GRIA1: variants seen among roughly 807,000 people sequenced by gnomAD.
GRIA1 encodes the protein glutamate ionotropic receptor AMPA type subunit 1.
A neutral mutation model predicts 99.2 loss-of-function variants in GRIA1; 31 were observed. The observed-to-expected ratio is 0.31, with a 90% CI of 0.23 to 0.42. The LOEUF (loss-of-function observed/expected upper bound fraction) is 0.42, where lower values mean the gene tolerates loss of function less well. Ranked by LOEUF, GRIA1 falls within the 10% of genes least tolerant of loss-of-function variation. GRIA1 has a pLI of 1.00. For missense variants in GRIA1, 782 were observed against 1,157.5 expected, an observed-to-expected ratio of 0.68 and a Z score of 4.71; for synonymous variants, 438 against 432.4, an observed-to-expected ratio of 1.01 and a Z score of -0.16.
Position 153,626,759 on chromosome 5 carries a change from T to C in GRIA1, c.221-20169T>C, listed in dbSNP as rs186961784. On this transcript the variant is annotated intron_variant, in intron 2 of 15. Transcript: ENST00000285900. Reference sequence around the variant, plus strand: ...CTTATTGGTACTGGACAAAGCAGGATCTTCAGATGGTGCCCAGCGACTATA... The same window carrying C: ...CTTATTGGTACTGGACAAAGCAGGACCTTCAGATGGTGCCCAGCGACTATA... Among the ~76,000 whole-genome samples, 257 of 152,140 alleles carry C rather than the reference T, an allele frequency of 1.7e-3. 2 individuals are homozygous for C. The highest frequency in any genetic ancestry group is 3.7e-4 in the Non-Finnish European group (25 of 68,014).
At chr5:153,599,105 A>T (rs1429766779) in intron 2 of GRIA1, among the ~76,000 whole-genome samples, 2 of 152,100 alleles carry the variant, frequency 1.3e-5, no homozygotes. Context: ...GATGGTCTCG[A>T]TCTCCTGACC....
Position 153,493,054 on chromosome 5 carries a change from G to A in GRIA1, c.83-874G>A, listed in dbSNP as rs561335990. On this transcript the variant is annotated intron_variant, in intron 1 of 15. Coordinates refer to ENST00000285900, the MANE Select transcript of GRIA1 (RefSeq NM_000827.4). ...ATGGCTGATTTTAATTCACAGAAAT[G>A]TAATTGATTTACATGTTGACAGTAA... Among the ~76,000 whole-genome samples the A allele has an allele frequency of 2.0e-5, 3 of 152,332 alleles. No individual in the cohort carries two copies. The South Asian group carries it at 6.2e-4, about 32-fold the overall frequency.
intron 2 of GRIA1, among the ~76,000 whole-genome samples, chr5:153,549,136 C>A (rs760915885): frequency 2.6e-5 from 4 of 152,066 alleles, no homozygotes; most frequent in Non-Finnish European, 4.4e-5. Context: ...AATGAGCTCC[C>A]CCTCCTTTCA....
chr5:153,575,197 A>AAGAGAG (rs3064338), intron 2 of GRIA1, among the ~76,000 whole-genome samples: 37,836 of 147,102 alleles, frequency 0.26, 5,283 homozygotes, highest in East Asian at 0.65. Context: ...TCAAGAGAGA[A>AAGAGAG]AGAGAGAGAG....
intron 6 of GRIA1, among the ~76,000 whole-genome samples, chr5:153,675,719 A>G (rs1179955923): frequency 6.6e-6 from 1 of 152,242 alleles, no homozygotes; most frequent in East Asian, 1.9e-4. Flanking sequence ...TTATTTCAAT[A>G]TGATCTTAAG....
At position 153,655,764 on chromosome 5, in the gene GRIA1, T is replaced by C. The variant is rs531234710; in HGVS notation, c.646-55T>C. 5.7e-5 allele frequency: 83 copies of C among 1,463,428 alleles called. No individual in the cohort carries two copies. In the East Asian group the frequency reaches 1.7e-3, roughly 29 times the overall value. The allele number at this position is 1,463,428 out of a possible 1,614,324, so 90.7% of individuals were successfully genotyped here. A position where few individuals can be genotyped will look rare whatever the true frequency, so the allele number is the denominator to read the frequency against. On this transcript the variant is annotated intron_variant, in intron 4 of 15. Coordinates refer to ENST00000285900, the MANE Select transcript of GRIA1 (RefSeq NM_000827.4). ...TCAGCTGCCGTTATTACTGTTGTTG[T>C]CGTGGCTTTAACTGTTAGTATGATT...
intron 2 of GRIA1, among the ~76,000 whole-genome samples, chr5:153,524,741 A>G (rs1757451090): frequency 6.6e-6 from 1 of 152,192 alleles, no homozygotes; most frequent in Non-Finnish European, 1.5e-5. Flanking sequence ...TCTGTATAGT[A>G]TTAGCTCAGG....
At chr5:153,575,423 G>C (rs1220981609) in intron 2 of GRIA1, among the ~76,000 whole-genome samples, 3 of 152,102 alleles carry the variant, frequency 2.0e-5, no homozygotes, top group Admixed American at 6.5e-5. Flanking sequence ...ACCACCAAAG[G>C]GTAACGAATT....
intron 2 of GRIA1, among the ~76,000 whole-genome samples, chr5:153,624,825 A>G (rs990579876): frequency 6.6e-6 from 1 of 152,234 alleles, no homozygotes; most frequent in African/African-American, 2.4e-5. Context: ...TATCTTCTGT[A>G]TGCAGATTCC....
At chr5:153,774,080 A>T (rs73801257) in intron 13 of GRIA1, among the ~76,000 whole-genome samples, 1 of 26,306 alleles carries the variant, frequency 3.8e-5, no homozygotes, top group Non-Finnish European at 8.0e-5. Flanking sequence ...CCCTCCCCCC[A>T]CACACACACA....
chr5:153,563,003 C>T (rs1761273549), intron 2 of GRIA1, among the ~76,000 whole-genome samples: 1 of 151,676 alleles, frequency 6.6e-6, no homozygotes, highest in African/African-American at 2.4e-5. Context: ...TGGTGAAACC[C>T]CGTCTCTACT....
Position 153,677,156 on chromosome 5 carries a change from C to T in GRIA1, c.1024C>T (p.Gln342Ter). 1.3e-6 allele frequency: 2 copies of T among 1,496,354 alleles called. No individual in the cohort carries two copies. Among genetic ancestry groups the T allele is most frequent in the South Asian group, 1.4e-5 (1 of 73,912 alleles). The allele number at this position is 1,496,354 out of a possible 1,614,324, so 92.7% of individuals were successfully genotyped here. ...AGGGATCGACATCCAGAGAGCTCTGCAGCAGGTAAGACCACCAATGTTTGC... is the reference window on the plus strand; with the variant it reads ...AGGGATCGACATCCAGAGAGCTCTGTAGCAGGTAAGACCACCAATGTTTGC... ...GQGIDIQRALQQVRFEGLTGN... is the reference protein window; with the variant it reads ...GQGIDIQRAL Residue 342 changes from glutamine to a stop codon, truncating the protein, a stop_gained, in exon 7 of 16, where the codon CAG (glutamine) becomes TAG (stop). Coordinates refer to ENST00000285900, the MANE Select transcript of GRIA1 (RefSeq NM_000827.4). LOFTEE classifies it high-confidence loss of function.
At chr5:153,689,722 A>G (rs1757600041) in intron 8 of GRIA1, among the ~76,000 whole-genome samples, 1 of 152,128 alleles carries the variant, frequency 6.6e-6, no homozygotes. Context: ...CTCAGCTCTG[A>G]CACCTTGGAT....
At chr5:153,564,842 T>C (rs965461773) in intron 2 of GRIA1, among the ~76,000 whole-genome samples, 1 of 152,216 alleles carries the variant, frequency 6.6e-6, no homozygotes, top group African/African-American at 2.4e-5. Flanking sequence ...CCTCTCCTTG[T>C]CAGATCTGTG....
Position 153,686,229 on chromosome 5 carries a change from G to A in GRIA1, c.1034G>A (p.Arg345Gln), listed in dbSNP as rs142859488. The change falls in exon 8 of 16, where the codon CGA (arginine) becomes CAA (glutamine). Residue 345 changes from arginine to glutamine, a missense_variant. Coordinates refer to ENST00000285900, the MANE Select transcript of GRIA1 (RefSeq NM_000827.4). ...IDIQRALQQV[R>Q]FEGLTGNVQF... ...CCACTTGGTTTTGTTTTCCAGGTGC[G>A]ATTTGAAGGTTTAACAGGAAACGTG... The A allele has an allele frequency of 9.3e-6, 15 of 1,612,978 alleles. No individual in the cohort carries two copies. The highest frequency in any genetic ancestry group is 6.7e-5 in the African/African-American group (5 of 74,890).
intron 13 of GRIA1, among the ~76,000 whole-genome samples, chr5:153,776,443 A>G (rs1303096067): frequency 1.3e-5 from 2 of 152,176 alleles, no homozygotes; most frequent in African/African-American, 4.8e-5. Flanking sequence ...TGCCACCTCA[A>G]TTTTACCTCT....
chr5:153,795,782 C>A (rs1181344895), intron 14 of GRIA1, among the ~76,000 whole-genome samples: 1 of 152,102 alleles, frequency 6.6e-6, no homozygotes, highest in East Asian at 1.9e-4. Flanking sequence ...CCCCATGGAA[C>A]CTGATCCTAC....
In GRIA1 at chr5:153,811,167, A is replaced by C; in HGVS notation, c.2663A>C (p.Gln888Pro). 6.2e-7 allele frequency: 1 copy of C among 1,614,122 alleles called. No homozygotes were observed. Among genetic ancestry groups the C allele is most frequent in the East Asian group, 2.2e-5 (1 of 44,860 alleles). Residue 888 changes from glutamine (Q) to proline (P), a missense_variant, in exon 16 of 16, where the codon CAA becomes CCA. Coordinates refer to ENST00000285900, the MANE Select transcript of GRIA1 (RefSeq NM_000827.4). ...AGCCATGACTTCCCCAAGTCCATGC[A>C]ATCGATTCCTTGCATGAGCCACAGT... ...VVSHDFPKSM[Q>P]SIPCMSHSSG... is the part of the protein sequence containing the mutation.
At chr5:153,770,963 T>C (rs963169641) in intron 13 of GRIA1, among the ~76,000 whole-genome samples, 8 of 152,242 alleles carry the variant, frequency 5.3e-5, no homozygotes, top group African/African-American at 1.9e-4. Context: ...GACTGATTTA[T>C]TTAGCAAGAT....
Sources: allele counts gnomAD v4.1 joint callset (sites outside exome capture counted in the v4.1 genomes callset), GRCh38; gene constraint gnomAD v4.1.1; transcripts MANE v1.5; gene names NCBI Gene and HGNC (gene_info 2026-07-23, HGNC 2026-07-21).